Variants in PICALM observed in about 807,000 individuals in gnomAD.
PICALM encodes the protein phosphatidylinositol binding clathrin assembly protein.
Under a neutral mutation model 80.5 loss-of-function variants are expected in PICALM, and 40 were observed. That is an observed-to-expected ratio of 0.50 (90% CI 0.39 to 0.65). PICALM has a LOEUF of 0.65. PICALM is among the 30% of genes least tolerant of loss of function. The pLI is 0.00. For missense variants in PICALM, 676 were observed against 778.9 expected (o/e 0.87, Z 1.57); for synonymous variants, 288 against 260.3 (o/e 1.11, Z -1.02).
At chr11:86,065,341 G>T (rs1259649003) in intron 1 of PICALM, among the ~76,000 whole-genome samples, 3 of 151,880 alleles carry the variant, frequency 2.0e-5, no homozygotes, top group Non-Finnish European at 4.4e-5. Context: ...AGCTACTCAA[G>T]AGGCTGAGGC....
upstream of PICALM, chr11:86,069,390 G>A (rs2137983227): frequency 6.5e-6 from 1 of 154,714 alleles, no homozygotes; most frequent in African/African-American, 2.4e-5. Context: ...GGGCGGGAGA[G>A]GAATGGCGAG....
At chr11:86,014,756 T>C in intron 5 of PICALM, 114 bp downstream of exon 5, 2 of 562,180 alleles carry the variant, frequency 3.6e-6, no homozygotes, top group Middle Eastern at 4.7e-4. Context: ...TCCTTAGCCA[T>C]ATAGGATATC....
At chr11:86,002,863 A>T (rs2095181470) in intron 9 of PICALM, among the ~76,000 whole-genome samples, 1 of 152,038 alleles carries the variant, frequency 6.6e-6, no homozygotes, top group African/African-American at 2.4e-5. Context: ...AAATACAAAA[A>T]TTAGCCGGCC....
intron 17 of PICALM, 31 bp downstream of exon 17, chr11:85,981,098 T>C (rs1455131746): frequency 2.0e-6 from 2 of 984,552 alleles, no homozygotes; most frequent in Non-Finnish European, 3.3e-6. Context: ...ATTATTCAAC[T>C]GTTAGTCTAT....
rs1297090510 is a variant in PICALM, at chr11:86,022,373, T to C, written c.446A>G (p.Lys149Arg). ...RQVAFDFTKV[K>R]RGADGVMRTM... ...CAAAAAAAGCTTAACTCACCCTCTC[T>C]TCACTTTTGTGAAATCAAATGCAAC... Residue 149 changes from lysine (K) to arginine (R), a missense_variant, in exon 4 of 20, where the codon AAG becomes AGG. Lys to Arg is a conservative substitution (Grantham distance 26). This residue lies in a region of PICALM where 285 missense variants were observed against 395.4 expected (regional missense o/e 0.72). Coordinates refer to ENST00000393346, the MANE Select transcript of PICALM (RefSeq NM_007166.4). 6.4e-7 allele frequency: 1 copy of C among 1,558,880 alleles called. No individual in the cohort carries two copies. Among genetic ancestry groups the C allele is most frequent in the Admixed American group, 1.8e-5 (1 of 56,140 alleles).
At chr11:86,026,097 C>T (rs1469080658) in intron 3 of PICALM, among the ~76,000 whole-genome samples, 195 bp downstream of exon 3, 2 of 152,114 alleles carry the variant, frequency 1.3e-5, no homozygotes, top group Non-Finnish European at 2.9e-5. Context: ...TACTCCGTCT[C>T]AGAGAGCTCT....
At chr11:85,960,058 G>A (rs899461636) in intron 19 of PICALM, among the ~76,000 whole-genome samples, 1 of 152,086 alleles carries the variant, frequency 6.6e-6, no homozygotes, top group Non-Finnish European at 1.5e-5. Flanking sequence ...TATACAATTA[G>A]AGACAATAAA....
At chr11:86,032,751 GGGA>G (rs1330454720) in intron 1 of PICALM, among the ~76,000 whole-genome samples, 1 of 152,016 alleles carries the variant, frequency 6.6e-6, no homozygotes, top group Non-Finnish European at 1.5e-5. Context: ...CTACAATAAA[GGGA>G]AAAAAGTTAT....
In PICALM at chr11:85,958,789, T is replaced by G. The variant is rs2093592146; in HGVS notation, c.*257A>C. 2.6e-6 allele frequency: 1 copy of G among 387,082 alleles called. No homozygotes were observed. The highest frequency in any genetic ancestry group is 1.0e-4 in the South Asian group (1 of 9,680). 24.0% of individuals were successfully genotyped at this position (387,082 alleles called of 1,614,324 possible). On this transcript the variant is annotated 3_prime_UTR_variant, in exon 20 of 20. Transcript: ENST00000393346. ...GGGTATTAACAGGAGTTGAAAGAAT[T>G]GAAGGGTTAGTCACCAAAAAGACAG...
At chr11:85,990,444 A>C in intron 12 of PICALM, 45 bp from the exon 13 acceptor site, 15 of 1,267,860 alleles carry the variant, frequency 1.2e-5, no homozygotes, top group Non-Finnish European at 1.6e-5. Context: ...AAAGGAAGTA[A>C]ATAAATTAGT....
chr11:86,036,098 T>A (rs1163153563), intron 1 of PICALM, among the ~76,000 whole-genome samples: 1 of 152,068 alleles, frequency 6.6e-6, no homozygotes, highest in Non-Finnish European at 1.5e-5. Flanking sequence ...AGCATATTCA[T>A]CAAAAAATAG....
At chr11:85,999,318 G>A (rs1204689359) in intron 11 of PICALM, among the ~76,000 whole-genome samples, 1 of 152,152 alleles carries the variant, frequency 6.6e-6, no homozygotes, top group African/African-American at 2.4e-5. Flanking sequence ...TTCTGTAAAT[G>A]GGCTGTAAGA....
At chr11:86,061,543 A>C (rs570928872) in intron 1 of PICALM, among the ~76,000 whole-genome samples, 10 of 152,228 alleles carry the variant, frequency 6.6e-5, no homozygotes, top group Middle Eastern at 3.4e-3. Context: ...GAAAATGCAA[A>C]TTAAAACAAT....
upstream of PICALM, chr11:86,069,123 G>A (rs2096487058): frequency 7.6e-6 from 2 of 263,474 alleles, no homozygotes; most frequent in South Asian, 8.8e-5. Flanking sequence ...GGGCTGCCCC[G>A]GGTCACGTGA....
At chr11:86,041,667 C>T (rs1022654510) in intron 1 of PICALM, among the ~76,000 whole-genome samples, 3 of 152,132 alleles carry the variant, frequency 2.0e-5, no homozygotes, top group Admixed American at 1.3e-4. Flanking sequence ...CCGAACTGTT[C>T]AAACTTTAAT....
chr11:85,968,943 ACTCAAC>A (rs1565218276), intron 19 of PICALM, among the ~76,000 whole-genome samples: 12 of 139,852 alleles, frequency 8.6e-5, no homozygotes, highest in Non-Finnish European at 1.8e-4. Context: ...CAGAAAAATG[ACTCAAC>A]ACACACACAC....
chr11:85,993,021 TATA>T (rs1309495979), intron 12 of PICALM, among the ~76,000 whole-genome samples: 19 of 151,938 alleles, frequency 1.3e-4, no homozygotes, highest in Admixed American at 3.3e-4. Context: ...TTCATTAAGG[TATA>T]ATAATAACGC....
At chr11:86,001,662 CT>C (rs1221628932) in intron 9 of PICALM, among the ~76,000 whole-genome samples, 1 of 152,200 alleles carries the variant, frequency 6.6e-6, no homozygotes, top group African/African-American at 2.4e-5. Flanking sequence ...CTTCAGGTTC[CT>C]TCAAAAGAAG....
At chr11:86,022,620 GTAAC>G in intron 3 of PICALM, 151 bp from the exon 4 acceptor site, 1 of 494,556 alleles carries the variant, frequency 2.0e-6, no homozygotes. Flanking sequence ...TGTAAATTAA[GTAAC>G]TAATTAATAA....
Sources: allele counts gnomAD v4.1 joint callset (sites outside exome capture counted in the v4.1 genomes callset), GRCh38; gene constraint gnomAD v4.1.1; regional missense constraint gnomAD v4.1.1; transcripts MANE v1.5; gene names NCBI Gene and HGNC (gene_info 2026-07-23, HGNC 2026-07-21).